Variants in SLC52A1 observed in about 807,000 individuals in gnomAD.
SLC52A1 encodes solute carrier family 52, riboflavin transporter, member 1.
SLC52A1 carries 20 observed loss-of-function variants against 23.2 expected under a neutral mutation model. The ratio of observed to expected loss-of-function variants is 0.86; its 90% CI spans 0.61 to 1.25. The LOEUF (loss-of-function observed/expected upper bound fraction) is 1.25. Among genes scored for constraint, SLC52A1 ranks in the 50% most tolerant of loss-of-function variants. The probability of loss-of-function intolerance (pLI) is 0.00; values close to 1 mark genes in which losing one functional copy is unlikely to be tolerated. For missense variants in SLC52A1, 528 were observed against 557.0 expected, an observed-to-expected ratio of 0.95 and a Z score of 0.52; for synonymous variants, 260 against 256.6, an observed-to-expected ratio of 1.01 and a Z score of -0.13.
Position 5,033,781 on chromosome 17 carries a change from T to G in SLC52A1, c.708A>C (p.Gly236=), listed in dbSNP as rs1461476008. 6.2e-7 allele frequency: 1 copy of G among 1,614,046 alleles called. No homozygotes were observed. The highest frequency in any genetic ancestry group is 8.5e-7 in the Non-Finnish European group (1 of 1,180,034). ...TGGSGPELQL[G]SPGAEEEEKE... ...TCTCTTCCTCCTCTGCTCCTGGGGATCCCAGTTGAAGTTCAGGCCCTGAGC... is the reference window on the plus strand; with the variant it reads ...TCTCTTCCTCCTCTGCTCCTGGGGAGCCCAGTTGAAGTTCAGGCCCTGAGC... Residue 236 remains glycine (G), a synonymous_variant, in exon 3 of 5, where the codon GGA becomes GGC. Transcript: ENST00000254853.
At chr17:5,038,439 C>G (rs533009341), upstream of SLC52A1, among the ~76,000 whole-genome samples, 1 of 152,156 alleles carries the variant, frequency 6.6e-6, no homozygotes, top group South Asian at 2.1e-4. Flanking sequence ...CTAGGTGACT[C>G]TGATGTGCAA....
rs1466963952 is a variant in SLC52A1 at position 5,033,134 on chromosome 17, T to C, written c.1170A>G (p.Ser390=). 3 of 1,613,688 alleles carry C rather than the reference T, an allele frequency of 1.9e-6. No homozygotes were observed. The highest frequency in any genetic ancestry group is 2.5e-6 in the Non-Finnish European group (3 of 1,180,010). ...LSWVLCLCVF[S]YVKVAASSLL... ...GGGAGCTTGCAGCCACCTTCACATA[T>C]GAGAACACACACAGACACAGCACCC... Residue 390 remains serine (S), a synonymous_variant, in exon 5 of 5, where the codon TCA becomes TCG. Transcript: ENST00000254853.
rs780029605 is a variant in SLC52A1 at position 5,032,916 on chromosome 17, G to C, written c.*41C>G. ...TCAGGCACTGTGGCAGCCTCACGAT[G>C]AAGACAGGTGGGGTGGAGTTGGGTC... is the stretch of plus-strand genomic sequence containing the variant. On this transcript the variant is annotated 3_prime_UTR_variant, in exon 5 of 5. Coordinates refer to ENST00000254853, the MANE Select transcript of SLC52A1 (RefSeq NM_017986.4). The C allele has an allele frequency of 7.6e-6, 12 of 1,573,088 alleles. No individual in the cohort carries two copies. Among genetic ancestry groups the C allele is most frequent in the Admixed American group, 1.7e-5 (1 of 59,444 alleles).
chr17:5,035,591 C>T (rs548063183), upstream of SLC52A1, among the ~76,000 whole-genome samples: 2 of 152,344 alleles, frequency 1.3e-5, no homozygotes, highest in East Asian at 3.9e-4. Flanking sequence ...CGGCAGTCCC[C>T]GGACCCAGCG....
upstream of SLC52A1, chr17:5,035,548 C>T (rs1029932667): frequency 7.9e-5 from 12 of 152,238 alleles, no homozygotes; most frequent in African/African-American, 2.9e-4. Context: ...CCGGGAGCCG[C>T]CAGGTGCGCA....
chr17:5,041,541 G>A (rs890237027), intron 1 of SLC52A1, among the ~76,000 whole-genome samples: 3 of 150,422 alleles, frequency 2.0e-5, no homozygotes, highest in South Asian at 2.1e-4. Flanking sequence ...GCAATGGTGC[G>A]ATCTTGGCTC....
upstream of SLC52A1, among the ~76,000 whole-genome samples, chr17:5,039,015 A>G (rs745632644): frequency 2.9e-4 from 44 of 149,336 alleles, 1 homozygote; most frequent in South Asian, 2.2e-4. Context: ...GGAAACTGGA[A>G]ACCGAGGCAC....
chr17:5,032,941 C>T lies in SLC52A1; in HGVS notation c.*16G>A. The T allele has an allele frequency of 2.5e-6, 4 of 1,605,506 alleles. No individual in the cohort carries two copies. In the South Asian group the frequency reaches 3.3e-5, roughly 13 times the overall value. Reference sequence around the variant, plus strand: ...GAAGACAGGTGGGGTGGAGTTGGGTCCCCACCTGCCCAGGCTCAGGGGCCA... The same window carrying T: ...GAAGACAGGTGGGGTGGAGTTGGGTTCCCACCTGCCCAGGCTCAGGGGCCA... On this transcript the variant is annotated 3_prime_UTR_variant, in exon 5 of 5. Transcript: ENST00000254853.
chr17:5,034,343 G>A lies in SLC52A1; in HGVS notation c.146C>T (p.Ser49Leu). The A allele has an allele frequency of 6.3e-7, 1 of 1,583,360 alleles. No individual in the cohort carries two copies. Among genetic ancestry groups the A allele is most frequent in the Non-Finnish European group, 8.6e-7 (1 of 1,164,424 alleles). The change falls in exon 3 of 5, where the codon TCA becomes TTA. Residue 49 changes from serine to leucine, a missense_variant. Physicochemically the swap from Ser to Leu is moderately radical, Grantham distance 145. Transcript: ENST00000254853. ...KDLPEGWSLP[S>L]YLSVVVALGN... ...CAGCGCCACAACCACAGAGAGGTAT[G>A]AGGGGAGGCTCCAACCTGCAGGGAA...
upstream of SLC52A1, among the ~76,000 whole-genome samples, chr17:5,037,776 A>T (rs1257483768): frequency 2.6e-5 from 4 of 151,996 alleles, no homozygotes; most frequent in Non-Finnish European, 4.4e-5. Context: ...TTCACTACCT[A>T]CCCTATTCTC....
chr17:5,039,042 C>T (rs1975512650), upstream of SLC52A1, among the ~76,000 whole-genome samples: 1 of 2,988 alleles, frequency 3.3e-4, no homozygotes, highest in South Asian at 0.012. Context: ...ATTCAGTCAG[C>T]CGGGCGCGGT....
In SLC52A1 at chr17:5,033,717, T is replaced by A. The variant is rs1466405765; in HGVS notation, c.772A>T (p.Ser258Cys). 6.2e-7 allele frequency: 1 copy of A among 1,614,084 alleles called. No homozygotes were observed. Among genetic ancestry groups the A allele is most frequent in the East Asian group, 2.2e-5 (1 of 44,892 alleles). Residue 258 changes from serine (S) to cysteine (C), a missense_variant, in exon 3 of 5, where the codon AGC becomes TGC. Ser to Cys is a moderately radical substitution (Grantham distance 112, BLOSUM62 -1). Transcript: ENST00000254853. ...CCAGGGATGGTGCCTGCTGCCTGGCTCGGTGGCTCCTGCAATGGCAAAGCC... is the reference window on the plus strand; with the variant it reads ...CCAGGGATGGTGCCTGCTGCCTGGCACGGTGGCTCCTGCAATGGCAAAGCC... ...EEALPLQEPPSQAAGTIPGPD... is the reference protein window; with the variant it reads ...EEALPLQEPPCQAAGTIPGPD...
rs754313331 is a variant in SLC52A1, at chr17:5,033,934, G to T, written c.555C>A (p.Leu185=). The T allele has an allele frequency of 1.1e-5, 18 of 1,614,226 alleles. No homozygotes were observed. Among genetic ancestry groups the T allele is most frequent in the Admixed American group, 3.3e-5 (2 of 60,030 alleles). The change falls in exon 3 of 5, where the codon CTC becomes CTA. Residue 185 remains leucine, a synonymous_variant. Transcript: ENST00000254853. ...APTNGTSGPP[L]DFPERFPAST... The stretch of plus-strand genomic sequence containing the variant: ...TGGCAGGAAAACGCTCAGGGAAGTC[G>T]AGGGGAGGCCCAGAGGTGCCATTGG...
rs768742028 is a variant in SLC52A1 at position 5,033,294 on chromosome 17, G to C, written c.1101C>G (p.Pro367=). The change falls in exon 4 of 5, where the codon CCC becomes CCG. Residue 367 remains proline, a synonymous_variant. Coordinates refer to ENST00000254853, the MANE Select transcript of SLC52A1 (RefSeq NM_017986.4). ...CCACCCCTGCAGTGGTGCCCACCAG[G>C]GGTGGGCAGGGGCTCAGGATTGCCA... The part of the protein sequence containing the change: ...MALAILSPCP[P]LVGTTAGVVL... 24 of 1,613,926 alleles carry C rather than the reference G, an allele frequency of 1.5e-5. No individual in the cohort carries two copies. Among genetic ancestry groups the C allele is most frequent in the African/African-American group, 5.3e-5 (4 of 74,910 alleles).
chr17:5,037,915 T>TTTC (rs1555573824), upstream of SLC52A1, among the ~76,000 whole-genome samples: 61,366 of 101,066 alleles, frequency 0.61, 21,020 homozygotes, highest in African/African-American at 0.72. Context: ...TCTTCCTTCC[T>TTTC]TTTTTTTTTT....
Position 5,033,540 on chromosome 17 carries a change from C to A in SLC52A1, c.949G>T (p.Val317Leu). 6.2e-7 allele frequency: 1 copy of A among 1,613,828 alleles called. No individual in the cohort carries two copies. The highest frequency in any genetic ancestry group is 1.3e-5 in the African/African-American group (1 of 75,074). ...GGGTTGGCGGCACTGCCCAGCACCA[C>A]AGCCAGGTGGTAGGCCAGGCGCCCA... ...PYGRLAYHLA[V>L]VLGSAANPLA... The change falls in exon 3 of 5, where the codon GTG becomes TTG. Residue 317 changes from valine to leucine, a missense_variant. Physicochemically the swap from Val to Leu is conservative, Grantham distance 32. Transcript: ENST00000254853.
intron 3 of SLC52A1, 46 bp downstream of exon 3, chr17:5,033,433 C>T (rs759683079): frequency 1.2e-6 from 2 of 1,611,146 alleles, no homozygotes; most frequent in African/African-American, 2.7e-5. Flanking sequence ...GGGACCTGGA[C>T]CCCAACCTTA....
upstream of SLC52A1, among the ~76,000 whole-genome samples, chr17:5,036,327 G>A (rs1975456200): frequency 6.6e-6 from 1 of 150,522 alleles, no homozygotes; most frequent in Non-Finnish European, 1.5e-5. Context: ...CACCGTGCCT[G>A]GCCAGCTGTT....
In SLC52A1 at chr17:5,034,668, A is replaced by C; in HGVS notation, c.-62T>G. On this transcript the variant is annotated 5_prime_UTR_variant, in exon 2 of 5. Transcript: ENST00000254853. ...GTCACAGGCAGGTCCTTCCCTAGGT[A>C]GGTCCAAAGATGCTTTGGTTCTTCT... is the stretch of plus-strand genomic sequence containing the variant. 6.3e-7 allele frequency: 1 copy of C among 1,590,922 alleles called. No homozygotes were observed. Among genetic ancestry groups the C allele is most frequent in the Non-Finnish European group, 8.6e-7 (1 of 1,169,142 alleles).
Sources: gnomAD v4.1 joint callset for allele counts (sites outside exome capture counted in the v4.1 genomes callset) on GRCh38, gnomAD v4.1.1 for gene constraint, MANE v1.5 for transcripts, NCBI Gene and HGNC (gene_info 2026-07-23, HGNC 2026-07-21) for gene names.